The following ASRGL1 variants were observed in gnomAD, a reference collection of about 807,000 sequenced individuals.
ASRGL1 encodes asparaginase and isoaspartyl peptidase 1, also known as isoaspartyl peptidase/L-asparaginase.
In ASRGL1, 16 loss-of-function variants were observed where a neutral mutation model predicts 22.4. The observed-to-expected ratio is 0.71, with a 90% CI of 0.48 to 1.08. The LOEUF (loss-of-function observed/expected upper bound fraction) is 1.08. Ranked by LOEUF, ASRGL1 falls within the 50% of genes least tolerant of loss-of-function variation. The pLI, the probability that ASRGL1 is intolerant of heterozygous loss-of-function variation, is 0.00. For synonymous variants in ASRGL1, 165 were observed against 159.3 expected, an observed-to-expected ratio of 1.04 and a Z score of -0.27; for missense variants, 412 against 410.1, an observed-to-expected ratio of 1.00 and a Z score of -0.04.
chr11:62,391,539 G>A lies in ASRGL1; in HGVS notation c.628G>A (p.Asp210Asn), dbSNP rs548516214. Residue 210 changes from aspartate (D) to asparagine (N), a missense_variant, in exon 6 of 7, where the codon GAC becomes AAC. Physicochemically the swap from Asp to Asn is conservative, Grantham distance 23. Coordinates refer to ENST00000415229, the MANE Select transcript of ASRGL1 (RefSeq NM_001083926.2). Reference protein sequence around the residue: ...SPCLGAGGYADNDIGAVSTTG... With the variant: ...SPCLGAGGYANNDIGAVSTTG... The stretch of plus-strand genomic sequence containing the variant: ...TTGAGCAGGAGCTGGAGGTTATGCC[G>A]ACAATGACATCGGAGCCGTCTCAAC... 1.4e-5 allele frequency: 23 copies of A among 1,611,692 alleles called. 1 individual carries two copies. The South Asian group carries it at 1.9e-4, about 13-fold the overall frequency.
intron 2 of ASRGL1, among the ~76,000 whole-genome samples, chr11:62,346,934 C>T (rs1040489430): frequency 6.6e-6 from 1 of 150,500 alleles, no homozygotes; most frequent in African/African-American, 2.5e-5. Context: ...GGCACCACTG[C>T]ACTCCAGCCT....
chr11:62,362,735 T>TATTATATGTTATATATAA lies in ASRGL1; in HGVS notation c.491+5592_491+5593insTTATATGTTATATATAAA, dbSNP rs1565162572. 1.4e-4 allele frequency among the ~76,000 whole-genome samples: 9 copies of TATTATATGTTATATATAA among 62,582 alleles called. No homozygotes were observed. In the South Asian group the frequency reaches 2.5e-3, roughly 17 times the overall value. The allele number at this position is 62,582 out of a possible 152,430, so 41.1% of individuals were successfully genotyped here. A position where few individuals can be genotyped will look rare whatever the true frequency, so the allele number is the denominator to read the frequency against. On this transcript the variant is annotated intron_variant, in intron 4 of 6. Transcript: ENST00000415229. ...TATATTATATGTTATATATAAAATA[T>TATTATATGTTATATATAA]AATATATATTATATATATAAATTTA...
In ASRGL1 at chr11:62,356,907, T is replaced by TTG; in HGVS notation, c.334-80_334-79insTG. The TTG allele has an allele frequency of 2.7e-6, 4 of 1,456,304 alleles. No individual in the cohort carries two copies. In the East Asian group the frequency reaches 7.0e-5, roughly 25 times the overall value. The allele number at this position is 1,456,304 out of a possible 1,614,324, so 90.2% of individuals were successfully genotyped here. A position where few individuals can be genotyped will look rare whatever the true frequency, so the allele number is the denominator to read the frequency against. Reference sequence around the variant, plus strand: ...TCCTTTGCACCCAGAGAGAAGTAATTATTTCAACACAGTTGGAACAGTTAA... The same window carrying TTG: ...TCCTTTGCACCCAGAGAGAAGTAATTTGATTTCAACACAGTTGGAACAGTTAA... On this transcript the variant is annotated intron_variant, in intron 3 of 6. Coordinates refer to ENST00000415229, the MANE Select transcript of ASRGL1 (RefSeq NM_001083926.2).
intron 4 of ASRGL1, among the ~76,000 whole-genome samples, chr11:62,363,121 G>A (rs1946524132): frequency 1.3e-5 from 2 of 150,878 alleles, no homozygotes; most frequent in South Asian, 2.1e-4. Context: ...TTTTAGTAGA[G>A]ACGGGGTTTC....
chr11:62,372,020 TGG>T, intron 4 of ASRGL1: 1 of 722,692 alleles, frequency 1.4e-6, no homozygotes, highest in East Asian at 2.6e-5. Flanking sequence ...TCAGAATTTG[TGG>T]GGACCCCATA....
At chr11:62,364,599 T>C (rs1167555452) in intron 4 of ASRGL1, among the ~76,000 whole-genome samples, 1 of 152,206 alleles carries the variant, frequency 6.6e-6, no homozygotes, top group South Asian at 2.1e-4. Flanking sequence ...AACTACAGTG[T>C]CTGTCCATCA....
At chr11:62,362,505 ATATAACATATATTATT>A (rs71053043) in intron 4 of ASRGL1, among the ~76,000 whole-genome samples, 780 of 54,644 alleles carry the variant, frequency 0.014, 23 homozygotes, top group East Asian at 0.018. Flanking sequence ...TATATAAAAT[ATATAACATATATTATT>A]TATATAATAT....
At chr11:62,375,439 T>C (rs1446567566) in intron 4 of ASRGL1, among the ~76,000 whole-genome samples, 1 of 18,532 alleles carries the variant, frequency 5.4e-5, no homozygotes, top group South Asian at 1.8e-3. Flanking sequence ...TATATATATA[T>C]ATATATATAT....
Position 62,385,060 on chromosome 11 carries a change from G to C in ASRGL1, c.492-4073G>C, listed in dbSNP as rs576907344. On this transcript the variant is annotated intron_variant, in intron 4 of 6. Transcript: ENST00000415229. ...TAAATATATGGTATGTGGGCCTCCA[G>C]TTGTATTTGTATTGTTGCCATGGCC... Among the ~76,000 whole-genome samples, 250 of 148,322 alleles carry C rather than the reference G, an allele frequency of 1.7e-3. 2 individuals carry two copies. Among genetic ancestry groups the C allele is most frequent in the African/African-American group, 6.0e-3 (241 of 40,202 alleles).
intron 4 of ASRGL1, among the ~76,000 whole-genome samples, chr11:62,368,821 A>T (rs761096125): frequency 4.6e-5 from 7 of 152,158 alleles, no homozygotes; most frequent in Non-Finnish European, 1.0e-4. Context: ...GTATACAAAC[A>T]TCTTGGTGCA....
intron 4 of ASRGL1, among the ~76,000 whole-genome samples, chr11:62,385,926 G>A (rs1008504505): frequency 5.3e-5 from 8 of 152,108 alleles, no homozygotes; most frequent in Admixed American, 5.2e-4. Context: ...CACTTTGGGA[G>A]GCTGAGGTGG....
chr11:62,391,155 T>C (rs987803194), intron 5 of ASRGL1, among the ~76,000 whole-genome samples: 3 of 152,228 alleles, frequency 2.0e-5, no homozygotes, highest in African/African-American at 7.2e-5. Flanking sequence ...TAGAGATCCA[T>C]ATAATGCAGT....
chr11:62,355,160 C>T (rs1016447847), intron 2 of ASRGL1, among the ~76,000 whole-genome samples: 2 of 152,018 alleles, frequency 1.3e-5, no homozygotes, highest in African/African-American at 4.8e-5. Flanking sequence ...TCGAGTGATC[C>T]GCCTCGGCCT....
chr11:62,392,627 A>G lies in ASRGL1; in HGVS notation c.*343A>G, dbSNP rs1256648781. The stretch of plus-strand genomic sequence containing the variant: ...AAGAAAGCAGCAGCATGATCCTGAC[A>G]TGACAGATGTGGGAGACCCACAGCC... On this transcript the variant is annotated 3_prime_UTR_variant, in exon 7 of 7. Transcript: ENST00000415229. The G allele has an allele frequency of 3.1e-6, 1 of 320,232 alleles. No individual in the cohort carries two copies. Among genetic ancestry groups the G allele is most frequent in the Non-Finnish European group, 5.9e-6 (1 of 168,128 alleles). The allele number at this position is 320,232 out of a possible 1,614,324, so 19.8% of individuals were successfully genotyped here.
intron 4 of ASRGL1, chr11:62,372,560 A>G: frequency 1.1e-6 from 1 of 899,194 alleles, no homozygotes; most frequent in Non-Finnish European, 1.9e-6. Context: ...ATCTTCATTG[A>G]GAAGACAAAA....
At chr11:62,389,049 T>C in intron 4 of ASRGL1, 84 bp from the exon 5 acceptor site, 1 of 1,182,836 alleles carries the variant, frequency 8.5e-7, no homozygotes, top group Non-Finnish European at 1.2e-6. Flanking sequence ...ACATGAAACT[T>C]TAAGTGGTTT....
chr11:62,340,669 G>A (rs1945842366), intron 2 of ASRGL1, among the ~76,000 whole-genome samples: 1 of 152,140 alleles, frequency 6.6e-6, no homozygotes, highest in Non-Finnish European at 1.5e-5. Context: ...TCCGCATATT[G>A]AGGAAGAAAA....
rs113334658 is a variant in ASRGL1 at position 62,360,665 on chromosome 11, T to C, written c.491+3521T>C. On this transcript the variant is annotated intron_variant, in intron 4 of 6. Coordinates refer to ENST00000415229, the MANE Select transcript of ASRGL1 (RefSeq NM_001083926.2). The stretch of plus-strand genomic sequence containing the variant: ...TTTTGTTCAATTAAGATCTACTTAT[T>C]AATCAAAACAATTAAAATTAGTAAG... 4.4e-3 allele frequency among the ~76,000 whole-genome samples: 666 copies of C among 152,316 alleles called. 2 individuals carry two copies. The highest frequency in any genetic ancestry group is 0.015 in the African/African-American group (617 of 41,562).
chr11:62,400,137 C>T, the ASRGL1 span, among the ~76,000 whole-genome samples: 2 of 152,218 alleles, frequency 1.3e-5, no homozygotes, highest in South Asian at 4.1e-4. Context: ...AGGCCAGCCC[C>T]TCCTGGCTGT....
Sources: allele counts gnomAD v4.1 joint callset (sites outside exome capture counted in the v4.1 genomes callset), GRCh38; gene constraint gnomAD v4.1.1; transcripts MANE v1.5; gene names NCBI Gene and HGNC (gene_info 2026-07-23, HGNC 2026-07-21).